LYST: variants seen among roughly 807,000 people sequenced by gnomAD.
LYST encodes the protein lysosomal-trafficking regulator.
In LYST, 192 loss-of-function variants were observed where a neutral mutation model predicts 413.6. That is an observed-to-expected ratio of 0.46 (90% CI 0.41 to 0.52). The LOEUF (loss-of-function observed/expected upper bound fraction) is 0.52. Among genes scored for constraint, LYST ranks in the 20% least tolerant of loss-of-function variants. The probability of loss-of-function intolerance (pLI) is 0.00; values close to 1 mark genes in which losing one functional copy is unlikely to be tolerated. For synonymous variants in LYST, 1,525 were observed against 1,567.3 expected, an observed-to-expected ratio of 0.97 and a Z score of 0.64; for missense variants, 3,815 against 4,499.9, an observed-to-expected ratio of 0.85 and a Z score of 4.35.
At chr1:235,673,149 C>T (rs571998580) in intron 50 of LYST, among the ~76,000 whole-genome samples, 2 of 152,154 alleles carry the variant, frequency 1.3e-5, no homozygotes, top group Non-Finnish European at 2.9e-5. Context: ...CTCTTCAAAG[C>T]CATGGACCAC....
At chr1:235,729,310 A>G (rs1445048732) in intron 37 of LYST, among the ~76,000 whole-genome samples, 2 of 152,206 alleles carry the variant, frequency 1.3e-5, no homozygotes, top group East Asian at 3.8e-4. Context: ...AAAAATCTAA[A>G]TTGGCATATA....
At chr1:235,797,595 T>C (rs1313959066) in intron 10 of LYST, among the ~76,000 whole-genome samples, 4 of 152,072 alleles carry the variant, frequency 2.6e-5, no homozygotes, top group Admixed American at 2.6e-4. Flanking sequence ...AATTATAAAG[T>C]TGGGTCCTTA....
At chr1:235,873,333 G>A (rs938258185) in intron 1 of LYST, among the ~76,000 whole-genome samples, 3 of 152,170 alleles carry the variant, frequency 2.0e-5, no homozygotes, top group Non-Finnish European at 4.4e-5. Flanking sequence ...GTGGGCAACA[G>A]TGTCATTAAT....
chr1:235,766,556 T>C (rs576738034), intron 20 of LYST, among the ~76,000 whole-genome samples: 1 of 152,290 alleles, frequency 6.6e-6, no homozygotes, highest in Admixed American at 6.5e-5. Flanking sequence ...AAGCGTGGTC[T>C]CAAAAGCCAG....
chr1:235,777,706 T>C (rs972872462), intron 16 of LYST, among the ~76,000 whole-genome samples: 24 of 152,192 alleles, frequency 1.6e-4, no homozygotes, highest in Admixed American at 1.4e-3. Flanking sequence ...ATTTTTGCTT[T>C]GCATTTGCTC....
intron 3 of LYST, chr1:235,828,150 T>C (rs1675546084): frequency 1.0e-6 from 1 of 966,698 alleles, no homozygotes; most frequent in Non-Finnish European, 1.2e-6. Flanking sequence ...TTGCTGCTGT[T>C]ATGACATGAA....
intron 28 of LYST, among the ~76,000 whole-genome samples, 178 bp downstream of exon 28, chr1:235,751,032 A>T (rs1392189932): frequency 2.6e-5 from 4 of 152,206 alleles, no homozygotes; most frequent in African/African-American, 7.2e-5. Context: ...GGTGCTCAAG[A>T]AATAACTGAA....
intron 44 of LYST, 135 bp downstream of exon 44, chr1:235,708,956 T>C (rs1232507831): frequency 1.4e-5 from 11 of 772,392 alleles, no homozygotes; most frequent in Non-Finnish European, 2.4e-5. Context: ...CTGAAAAATC[T>C]TAGGTGACAG....
intron 1 of LYST, among the ~76,000 whole-genome samples, chr1:235,859,194 G>A (rs1359928315): frequency 6.6e-6 from 1 of 152,052 alleles, no homozygotes; most frequent in African/African-American, 2.4e-5. Context: ...CTCTTCTTCA[G>A]GGTAACTCTT....
intron 1 of LYST, among the ~76,000 whole-genome samples, chr1:235,858,842 C>A (rs1679514789): frequency 6.6e-6 from 1 of 151,976 alleles, no homozygotes; most frequent in Non-Finnish European, 1.5e-5. Flanking sequence ...TATTTGTTTT[C>A]TGCATTGTTA....
chr1:235,827,374 T>A, intron 3 of LYST: 1 of 911,354 alleles, frequency 1.1e-6, no homozygotes, highest in Non-Finnish European at 1.3e-6. Context: ...GTCTCAAAAA[T>A]AAATAAATAA....
At chr1:235,859,393 C>T (rs919964918) in intron 1 of LYST, among the ~76,000 whole-genome samples, 2 of 152,146 alleles carry the variant, frequency 1.3e-5, no homozygotes, top group African/African-American at 4.8e-5. Context: ...CTTCCTCAAG[C>T]TTCTACCCAC....
intron 1 of LYST, among the ~76,000 whole-genome samples, chr1:235,857,668 G>C (rs1679339034): frequency 6.8e-6 from 1 of 147,638 alleles, no homozygotes; most frequent in Non-Finnish European, 1.5e-5. Context: ...TGTGTCTGTG[G>C]GTGTGTGTGC....
At chr1:235,765,829 T>C (rs1668085426) in intron 21 of LYST, among the ~76,000 whole-genome samples, 1 of 151,796 alleles carries the variant, frequency 6.6e-6, no homozygotes, top group Non-Finnish European at 1.5e-5. Context: ...CTTTGATACT[T>C]ACCAAATACA....
rs143291405 is a variant in LYST at position 235,699,567 on chromosome 1, G to T, written c.10375-2295C>A. Among the ~76,000 whole-genome samples, 272 of 151,580 alleles carry T rather than the reference G, an allele frequency of 1.8e-3. 1 individual carries two copies. Among genetic ancestry groups the T allele is most frequent in the Non-Finnish European group, 1.0e-3 (71 of 68,022 alleles). Reference sequence around the variant, plus strand: ...AGTGCATGTGTCTTTAGAGTAGAATGATTTATATTCCTTTGAGTATATACC... The same window carrying T: ...AGTGCATGTGTCTTTAGAGTAGAATTATTTATATTCCTTTGAGTATATACC... On this transcript the variant is annotated intron_variant, in intron 45 of 52. Transcript: ENST00000389793.
At chr1:235,844,857 A>G (rs1319594312) in intron 1 of LYST, among the ~76,000 whole-genome samples, 3 of 152,326 alleles carry the variant, frequency 2.0e-5, no homozygotes, top group African/African-American at 7.2e-5. Flanking sequence ...ACTGTACAAT[A>G]TTTAAGCAAG....
chr1:235,677,364 T>C (rs1350715783), intron 49 of LYST, 116 bp downstream of exon 49: 1 of 1,208,834 alleles, frequency 8.3e-7, no homozygotes. Flanking sequence ...TTTAAGCATG[T>C]GTTTCATGGT....
In LYST at chr1:235,664,734, T is replaced by C; in HGVS notation, c.11039-113A>G. 1 of 881,044 alleles carries C rather than the reference T, an allele frequency of 1.1e-6. No individual in the cohort carries two copies. Among genetic ancestry groups the C allele is most frequent in the South Asian group, 1.4e-5 (1 of 72,630 alleles). The allele number at this position is 881,044 out of a possible 1,614,324, so 54.6% of individuals were successfully genotyped here. ...AAGCTCATTTGTTTATTGATGAAGT[T>C]TGTAGACAACCCATGACTGAAGACT... On this transcript the variant is annotated intron_variant, in intron 50 of 52. Coordinates refer to ENST00000389793, the MANE Select transcript of LYST (RefSeq NM_000081.4). The surrounding 1 kb of genome is among the most constrained non-coding windows in gnomAD (Gnocchi z 4.5).
chr1:235,756,630 TGG>T (rs1667076866), intron 24 of LYST, among the ~76,000 whole-genome samples: 1 of 152,158 alleles, frequency 6.6e-6, no homozygotes, highest in Non-Finnish European at 1.5e-5. Flanking sequence ...TGTTTTCTAA[TGG>T]AAACTATTCA....
Sources: gnomAD v4.1 joint callset for allele counts (sites outside exome capture counted in the v4.1 genomes callset) on GRCh38, gnomAD v4.1.1 for gene constraint, Gnocchi (gnomAD v3.1) non-coding constraint, MANE v1.5 for transcripts, NCBI Gene and HGNC (gene_info 2026-07-23, HGNC 2026-07-21) for gene names.